The following IL2RB variants were observed in gnomAD, a reference collection of about 807,000 sequenced individuals.
IL2RB encodes interleukin 2 receptor subunit beta, also known as interleukin-2 receptor subunit beta.
In IL2RB, 17 loss-of-function variants were observed where a neutral mutation model predicts 44.2. That is an observed-to-expected ratio of 0.38 (90% CI 0.26 to 0.58). The LOEUF is 0.58. Ranked by LOEUF, IL2RB falls within the 20% of genes least tolerant of loss-of-function variation. The pLI, the probability that IL2RB is intolerant of heterozygous loss-of-function variation, is 0.63. For missense variants in IL2RB, 624 were observed against 685.5 expected, an observed-to-expected ratio of 0.91 and a Z score of 1.00; for synonymous variants, 286 against 297.9, an observed-to-expected ratio of 0.96 and a Z score of 0.41.
intron 9 of IL2RB, among the ~76,000 whole-genome samples, chr22:37,131,034 G>C (rs1216362689): frequency 6.6e-6 from 1 of 152,240 alleles, no homozygotes; most frequent in Non-Finnish European, 1.5e-5. Flanking sequence ...AAGTGTGGTG[G>C]TGTGTGCTTG....
At chr22:37,170,977 A>C (rs1458482160) in intron 1 of IL2RB, among the ~76,000 whole-genome samples, 6 of 152,058 alleles carry the variant, frequency 3.9e-5, no homozygotes, top group Non-Finnish European at 8.8e-5. Flanking sequence ...TCTAGGACTC[A>C]CGCTCTTTTT....
chr22:37,172,476 C>T (rs139760516), intron 1 of IL2RB, among the ~76,000 whole-genome samples: 2 of 151,906 alleles, frequency 1.3e-5, no homozygotes, highest in African/African-American at 4.8e-5. Flanking sequence ...CAATAGGGCC[C>T]AGAATGAGGT....
chr22:37,129,034 C>T (rs1445795360), intron 9 of IL2RB, among the ~76,000 whole-genome samples, 186 bp from the exon 10 acceptor site: 1 of 152,214 alleles, frequency 6.6e-6, no homozygotes, highest in Non-Finnish European at 1.5e-5. Context: ...GCTTGGGGGC[C>T]CTCTGGGCCA....
At position 37,132,377 on chromosome 22, in the gene IL2RB, C is replaced by T. The variant is rs994320748; in HGVS notation, c.903+7G>A. 1 of 1,613,154 alleles carries T rather than the reference C, an allele frequency of 6.2e-7. No individual in the cohort carries two copies. The highest frequency in any genetic ancestry group is 1.3e-5 in the African/African-American group (1 of 74,898). On this transcript the variant is annotated splice_region_variant and intron_variant, in intron 9 of 9. Coordinates refer to ENST00000216223, the MANE Select transcript of IL2RB (RefSeq NM_000878.5). The stretch of plus-strand genomic sequence containing the variant: ...CCCACCTCTGTCTCCCCGCCCCGGC[C>T]TCCTACCTGGACGTCTCCTCCATGC...
chr22:37,139,372 C>A, intron 4 of IL2RB, 150 bp from the exon 5 acceptor site: 1 of 610,868 alleles, frequency 1.6e-6, no homozygotes, highest in Non-Finnish European at 3.0e-6. Context: ...TAAAAGGCCA[C>A]ATAGTAACTA....
At chr22:37,164,093 G>A (rs533538140) in intron 1 of IL2RB, among the ~76,000 whole-genome samples, 5 of 152,346 alleles carry the variant, frequency 3.3e-5, no homozygotes, top group South Asian at 4.1e-4. Flanking sequence ...GTGAGGGTGC[G>A]TGAGGAGAGG....
intron 1 of IL2RB, among the ~76,000 whole-genome samples, chr22:37,166,555 G>A (rs1435968771): frequency 6.6e-6 from 1 of 152,186 alleles, no homozygotes; most frequent in Non-Finnish European, 1.5e-5. Context: ...CCACATCCAC[G>A]ACACCTTCTC....
chr22:37,157,037 G>A (rs186105442), intron 1 of IL2RB, among the ~76,000 whole-genome samples: 1 of 149,590 alleles, frequency 6.7e-6, no homozygotes, highest in Non-Finnish European at 1.5e-5. Context: ...TTTGAGTCCT[G>A]GTCCCTGGTC....
chr22:37,131,378 C>A (rs1240701652), intron 9 of IL2RB, among the ~76,000 whole-genome samples: 1 of 152,070 alleles, frequency 6.6e-6, no homozygotes, highest in Non-Finnish European at 1.5e-5. Context: ...ACCCCCCAAT[C>A]TTGGGAGCCT....
chr22:37,154,333 T>C (rs1031605416), upstream of IL2RB, among the ~76,000 whole-genome samples: 1 of 152,146 alleles, frequency 6.6e-6, no homozygotes, highest in East Asian at 1.9e-4. Flanking sequence ...TAACACCTCA[T>C]GGCCTGTGGG....
chr22:37,140,731 C>T (rs1040412390), intron 4 of IL2RB, among the ~76,000 whole-genome samples: 1 of 152,156 alleles, frequency 6.6e-6, no homozygotes, highest in African/African-American at 2.4e-5. Flanking sequence ...GCCCAGGAGG[C>T]TTTGACAGAC....
rs58127106 is a variant in IL2RB, at chr22:37,140,286, C to CATTATT, written c.283-1070_283-1065dup. Reference sequence around the variant, plus strand: ...AGATTTTCCCCGATGATAGTAGTCTCATTATTATTATTATTATTATTATTA... The same window carrying CATTATT: ...AGATTTTCCCCGATGATAGTAGTCTCATTATTATTATTATTATTATTATTATTATTA... On this transcript the variant is annotated intron_variant, in intron 4 of 9. Coordinates refer to ENST00000216223, the MANE Select transcript of IL2RB (RefSeq NM_000878.5). Among the ~76,000 whole-genome samples the CATTATT allele has an allele frequency of 1.9e-3, 282 of 145,486 alleles. 1 individual carries two copies. Among genetic ancestry groups the CATTATT allele is most frequent in the African/African-American group, 2.6e-3 (104 of 40,080 alleles).
At chr22:37,169,607 C>T (rs1232115964) in intron 1 of IL2RB, among the ~76,000 whole-genome samples, 4 of 151,966 alleles carry the variant, frequency 2.6e-5, no homozygotes, top group Non-Finnish European at 4.4e-5. Flanking sequence ...CCTTTGCATC[C>T]AATCCTCTGG....
Position 37,143,884 on chromosome 22 carries a change from CGTGTGT to C in IL2RB, c.88+195_88+200del, listed in dbSNP as rs55819516. Among the ~76,000 whole-genome samples, 215 of 139,806 alleles carry C rather than the reference CGTGTGT, an allele frequency of 1.5e-3. 2 individuals are homozygous for C. In the East Asian group the frequency reaches 0.03, roughly 19 times the overall value. The allele number at this position is 139,806 out of a possible 152,430, so 91.7% of individuals were successfully genotyped here. On this transcript the variant is annotated intron_variant, in intron 2 of 9. Coordinates refer to ENST00000216223, the MANE Select transcript of IL2RB (RefSeq NM_000878.5). ...AGCACAAGCCTGTGGCTTGGAGAGG[CGTGTGT>C]GTGTGTGTGTGTGTGTGTGTGTGTG...
chr22:37,147,791 G>T (rs998805258), intron 1 of IL2RB, among the ~76,000 whole-genome samples: 2 of 152,254 alleles, frequency 1.3e-5, no homozygotes, highest in Non-Finnish European at 2.9e-5. Context: ...GTCTCCACAG[G>T]AGGGTGAGCT....
intron 1 of IL2RB, among the ~76,000 whole-genome samples, chr22:37,160,796 G>A (rs1027565245): frequency 2.6e-5 from 4 of 151,812 alleles, no homozygotes; most frequent in African/African-American, 9.7e-5. Flanking sequence ...GTTGCAGTGA[G>A]ATCGTGGTGA....
intron 1 of IL2RB, among the ~76,000 whole-genome samples, chr22:37,164,123 G>A (rs1601613240): frequency 6.6e-6 from 1 of 152,182 alleles, no homozygotes; most frequent in South Asian, 2.1e-4. Flanking sequence ...GAGCAGAGCG[G>A]AAAGCAACAG....
At chr22:37,170,514 TG>T (rs1923245095) in intron 1 of IL2RB, among the ~76,000 whole-genome samples, 1 of 152,158 alleles carries the variant, frequency 6.6e-6, no homozygotes, top group East Asian at 1.9e-4. Context: ...ACCCAGGGGC[TG>T]GGGTAATGAC....
intron 8 of IL2RB, among the ~76,000 whole-genome samples, chr22:37,134,932 T>C (rs1012012909): frequency 2.0e-5 from 3 of 152,196 alleles, no homozygotes; most frequent in African/African-American, 7.2e-5. Context: ...CAGACCTAGA[T>C]GGACCGGCGG....
Sources: allele counts gnomAD v4.1 joint callset (sites outside exome capture counted in the v4.1 genomes callset), GRCh38; gene constraint gnomAD v4.1.1; transcripts MANE v1.5; gene names NCBI Gene and HGNC (gene_info 2026-07-23, HGNC 2026-07-21).